The following SLX4IP variants were observed in gnomAD, a reference collection of about 807,000 sequenced individuals.
SLX4IP encodes SLX4 interacting protein, also known as protein SLX4IP.
In SLX4IP, 34 loss-of-function variants were observed where a neutral mutation model predicts 32.9. The ratio of observed to expected loss-of-function variants is 1.03; its 90% CI spans 0.79 to 1.38. The LOEUF is 1.38. SLX4IP is among the 40% of genes most tolerant of loss of function. The pLI is 0.00. For synonymous variants in SLX4IP, 172 were observed against 171.7 expected (o/e 1.00, Z -0.01); for missense variants, 444 against 479.0 (o/e 0.93, Z 0.68).
At chr20:10,614,148 C>T (rs1047027642) in intron 6 of SLX4IP, 5 of 1,095,702 alleles carry the variant, frequency 4.6e-6, no homozygotes, top group South Asian at 2.7e-5. Flanking sequence ...GGAGGCCTCG[C>T]GTTGCACGCC....
At chr20:10,505,507 C>T (rs1253041944) in intron 2 of SLX4IP, among the ~76,000 whole-genome samples, 3 of 152,206 alleles carry the variant, frequency 2.0e-5, no homozygotes, top group Admixed American at 2.0e-4. Flanking sequence ...GGTGAGTGCT[C>T]CTGGGAGGTT....
At chr20:10,605,641 A>G (rs1448370608) in intron 6 of SLX4IP, among the ~76,000 whole-genome samples, 2 of 152,216 alleles carry the variant, frequency 1.3e-5, no homozygotes, top group Non-Finnish European at 1.5e-5. Flanking sequence ...ACTGCCTACA[A>G]GTGGACATAT....
At chr20:10,472,906 A>G (rs2065438240) in intron 2 of SLX4IP, among the ~76,000 whole-genome samples, 1 of 152,168 alleles carries the variant, frequency 6.6e-6, no homozygotes, top group Non-Finnish European at 1.5e-5. Context: ...AAAAATGTTT[A>G]GGTGTTTAAT....
intron 2 of SLX4IP, among the ~76,000 whole-genome samples, chr20:10,551,379 C>T (rs536872907): frequency 1.6e-4 from 25 of 152,282 alleles, no homozygotes; most frequent in South Asian, 4.1e-4. Context: ...TGCACTGGGC[C>T]GAATAGTAAC....
At chr20:10,524,682 G>A (rs774831763) in intron 2 of SLX4IP, among the ~76,000 whole-genome samples, 4 of 152,226 alleles carry the variant, frequency 2.6e-5, no homozygotes, top group Non-Finnish European at 5.9e-5. Flanking sequence ...GCTGAGTGTT[G>A]TATGTACAGA....
intron 2 of SLX4IP, among the ~76,000 whole-genome samples, chr20:10,543,618 C>CACA (rs2066132648): frequency 2.0e-5 from 3 of 152,136 alleles, no homozygotes; most frequent in Admixed American, 2.0e-4. Context: ...GGGAGGAGAA[C>CACA]GAGCAAAGCT....
chr20:10,593,438 T>C (rs1232778058), intron 4 of SLX4IP, among the ~76,000 whole-genome samples: 1 of 147,516 alleles, frequency 6.8e-6, no homozygotes, highest in East Asian at 2.0e-4. Context: ...CAACTGAGGT[T>C]AAAAAAAAAA....
chr20:10,436,564 C>G (rs1342373838), intron 1 of SLX4IP, among the ~76,000 whole-genome samples: 1 of 152,130 alleles, frequency 6.6e-6, no homozygotes, highest in Non-Finnish European at 1.5e-5. Context: ...CCATGTTGGC[C>G]GGGTTGTTCT....
Position 10,494,382 on chromosome 20 carries a change from A to G in SLX4IP, c.27+36151A>G, listed in dbSNP as rs531485919. On this transcript the variant is annotated intron_variant, in intron 2 of 7. Transcript: ENST00000334534. ...ATATTACTGTTATAATATCATTATT[A>G]TATTTATATTATTATAAGTTTCTTT... Among the ~76,000 whole-genome samples the G allele has an allele frequency of 1.6e-3, 239 of 150,168 alleles. 1 individual carries two copies. The highest frequency in any genetic ancestry group is 5.2e-3 in the African/African-American group (215 of 41,214).
chr20:10,617,652 C>CTTT (rs549525000), intron 6 of SLX4IP, among the ~76,000 whole-genome samples: 45 of 112,756 alleles, frequency 4.0e-4, no homozygotes, highest in African/African-American at 8.0e-4. Flanking sequence ...TTCTTTCTTT[C>CTTT]TTTTTTTTTT....
At chr20:10,603,110 A>G (rs2066862768) in intron 6 of SLX4IP, among the ~76,000 whole-genome samples, 1 of 152,252 alleles carries the variant, frequency 6.6e-6, no homozygotes, top group South Asian at 2.1e-4. Context: ...GCATACATCT[A>G]AAATATAATA....
intron 6 of SLX4IP, among the ~76,000 whole-genome samples, chr20:10,610,969 A>C (rs1458024829): frequency 1.3e-5 from 2 of 152,154 alleles, no homozygotes; most frequent in Non-Finnish European, 2.9e-5. Flanking sequence ...GATTGTAGTC[A>C]TTGTCATTCA....
chr20:10,621,300 A>G lies in SLX4IP; in HGVS notation c.406-14A>G. ...ATAGATTTCTGGTTGAACCTTTGTTATCTTTTGGAGTAGACAGAAAGAGTT... is the reference window on the plus strand; with the variant it reads ...ATAGATTTCTGGTTGAACCTTTGTTGTCTTTTGGAGTAGACAGAAAGAGTT... On this transcript the variant is annotated splice_polypyrimidine_tract_variant and intron_variant, in intron 6 of 7. Coordinates refer to ENST00000334534, the MANE Select transcript of SLX4IP (RefSeq NM_001009608.3). 3 of 1,612,316 alleles carry G rather than the reference A, an allele frequency of 1.9e-6. No homozygotes were observed. Among genetic ancestry groups the G allele is most frequent in the Non-Finnish European group, 2.5e-6 (3 of 1,178,382 alleles).
chr20:10,471,268 CTTTA>C (rs1319586524), intron 2 of SLX4IP, among the ~76,000 whole-genome samples: 2 of 152,178 alleles, frequency 1.3e-5, no homozygotes, highest in Non-Finnish European at 2.9e-5. Context: ...ATTAGCAAAT[CTTTA>C]TTTATCCTCA....
chr20:10,573,775 G>T (rs1366869914), intron 4 of SLX4IP, among the ~76,000 whole-genome samples: 1 of 152,164 alleles, frequency 6.6e-6, no homozygotes, highest in Non-Finnish European at 1.5e-5. Context: ...AAGCACTGTG[G>T]AAACGTGTTT....
chr20:10,601,884 G>A (rs753188985), intron 6 of SLX4IP, 65 bp downstream of exon 6: 12 of 1,413,670 alleles, frequency 8.5e-6, no homozygotes, highest in Admixed American at 1.8e-5. Flanking sequence ...GTAAAAAATA[G>A]AAAACAAGAA....
chr20:10,570,995 A>AT (rs200976175), intron 4 of SLX4IP, among the ~76,000 whole-genome samples: 15 of 152,002 alleles, frequency 9.9e-5, no homozygotes, highest in Middle Eastern at 6.8e-3. Context: ...ATATCTGGCT[A>AT]TTTTTTTAAA....
At chr20:10,462,807 T>A (rs1568692251) in intron 2 of SLX4IP, among the ~76,000 whole-genome samples, 1 of 152,216 alleles carries the variant, frequency 6.6e-6, no homozygotes, top group Non-Finnish European at 1.5e-5. Context: ...GGTATGATCC[T>A]TTCTTCCCCA....
chr20:10,528,541 A>C (rs768685123), intron 2 of SLX4IP, among the ~76,000 whole-genome samples: 47 of 152,244 alleles, frequency 3.1e-4, no homozygotes, highest in Non-Finnish European at 5.7e-4. Flanking sequence ...GTTAAGCTTC[A>C]CTGGCCTTGC....
Sources: gnomAD v4.1 joint callset for allele counts (sites outside exome capture counted in the v4.1 genomes callset) on GRCh38, gnomAD v4.1.1 for gene constraint, MANE v1.5 for transcripts, NCBI Gene and HGNC (gene_info 2026-07-23, HGNC 2026-07-21) for gene names.